Variants in KANSL1L observed in about 807,000 individuals in gnomAD.
KANSL1L encodes the protein KAT8 regulatory NSL complex subunit 1 like, also known as KAT8 regulatory NSL complex subunit 1-like protein.
A neutral mutation model predicts 108.6 loss-of-function variants in KANSL1L; 25 were observed. The ratio of observed to expected loss-of-function variants is 0.23; its 90% CI spans 0.17 to 0.32. KANSL1L has a LOEUF of 0.32. Ranked by LOEUF, KANSL1L falls within the 10% of genes least tolerant of loss-of-function variation. KANSL1L has a pLI of 1.00. For synonymous variants in KANSL1L, 405 were observed against 395.1 expected (o/e 1.03, Z -0.30); for missense variants, 1,137 against 1,125.7 (o/e 1.01, Z -0.14).
At chr2:210,038,134 T>C (rs1341574251) in intron 8 of KANSL1L, among the ~76,000 whole-genome samples, 2 of 152,098 alleles carry the variant, frequency 1.3e-5, no homozygotes, top group East Asian at 3.8e-4. Context: ...CCTATTATGC[T>C]TTTCAAGTTG....
At chr2:210,053,860 TATAG>T (rs1231584854) in intron 6 of KANSL1L, among the ~76,000 whole-genome samples, 7 of 151,962 alleles carry the variant, frequency 4.6e-5, no homozygotes, top group South Asian at 2.1e-4. Flanking sequence ...ATTTTCCTAA[TATAG>T]ATAAAGAGCT....
In KANSL1L at chr2:210,044,585, G is replaced by T. The variant is rs1347823344; in HGVS notation, c.1756-481C>A. 1.3e-5 allele frequency among the ~76,000 whole-genome samples: 2 copies of T among 150,616 alleles called. No homozygotes were observed. Among genetic ancestry groups the T allele is most frequent in the South Asian group, 2.1e-4 (1 of 4,766 alleles). ...CAATAAGAATGATATGGATTGCAGG[G>T]TTTGTTTTTTTTTGGGGGGGGTATG... On this transcript the variant is annotated intron_variant, in intron 6 of 14. Transcript: ENST00000281772. This position sits in a 1 kb window ranked among gnomAD's most constrained non-coding sequence, Gnocchi z 4.2.
chr2:210,084,827 G>A (rs2094622748), intron 5 of KANSL1L, among the ~76,000 whole-genome samples: 1 of 152,082 alleles, frequency 6.6e-6, no homozygotes, highest in Non-Finnish European at 1.5e-5. Context: ...GGCCAGGATG[G>A]TCTCGATCTC....
intron 2 of KANSL1L, among the ~76,000 whole-genome samples, chr2:210,132,202 C>A (rs1197516933): frequency 6.6e-6 from 1 of 152,096 alleles, no homozygotes; most frequent in Admixed American, 6.6e-5. Flanking sequence ...TGTTATACCC[C>A]AAAGTCAAAC....
chr2:210,147,686 A>T (rs540548394), intron 2 of KANSL1L, among the ~76,000 whole-genome samples: 1 of 152,306 alleles, frequency 6.6e-6, no homozygotes, highest in South Asian at 2.1e-4. Flanking sequence ...TGCAGGGAAT[A>T]AAAAAAGATA....
At chr2:210,164,221 T>C (rs1167694774) in intron 1 of KANSL1L, among the ~76,000 whole-genome samples, 1 of 152,210 alleles carries the variant, frequency 6.6e-6, no homozygotes, top group East Asian at 1.9e-4. Flanking sequence ...TGCCAAGTCT[T>C]GTAACCAGGG....
intron 4 of KANSL1L, among the ~76,000 whole-genome samples, chr2:210,099,637 A>G (rs1264147031): frequency 6.6e-6 from 1 of 152,208 alleles, no homozygotes; most frequent in African/African-American, 2.4e-5. Flanking sequence ...AGTATCTCAC[A>G]TCTTCCGGTT....
chr2:210,121,707 AAAAG>A (rs1162971005), intron 3 of KANSL1L, among the ~76,000 whole-genome samples: 1 of 152,200 alleles, frequency 6.6e-6, no homozygotes, highest in African/African-American at 2.4e-5. Context: ...TTAAAAAAGA[AAAAG>A]AAATAAAGGG....
intron 6 of KANSL1L, 97 bp downstream of exon 6, chr2:210,075,455 A>AT: frequency 1.3e-6 from 1 of 756,550 alleles, no homozygotes; most frequent in Non-Finnish European, 2.2e-6. Flanking sequence ...ATTATTCAAA[A>AT]TAAGTGTTAT....
chr2:210,042,074 A>G (rs2094170029), intron 7 of KANSL1L, among the ~76,000 whole-genome samples: 1 of 152,174 alleles, frequency 6.6e-6, no homozygotes. Context: ...TTATGAGGAG[A>G]GTATCACCAA....
intron 2 of KANSL1L, among the ~76,000 whole-genome samples, chr2:210,133,224 T>C (rs1177060306): frequency 6.6e-6 from 1 of 152,138 alleles, no homozygotes; most frequent in Non-Finnish European, 1.5e-5. Context: ...CACTCCATTG[T>C]ATACTTTAAT....
chr2:210,109,040 T>C (rs1338456377), intron 3 of KANSL1L, among the ~76,000 whole-genome samples: 2 of 152,284 alleles, frequency 1.3e-5, no homozygotes, highest in Non-Finnish European at 1.5e-5. Context: ...TCTAGTTCCA[T>C]TGGTTCATCA....
At chr2:210,140,773 C>T (rs539752058) in intron 2 of KANSL1L, among the ~76,000 whole-genome samples, 2 of 152,228 alleles carry the variant, frequency 1.3e-5, no homozygotes, top group South Asian at 2.1e-4. Flanking sequence ...TCTTCCAATC[C>T]GTGAACACAG....
intron 6 of KANSL1L, among the ~76,000 whole-genome samples, chr2:210,048,466 T>C (rs1321000751): frequency 3.9e-5 from 6 of 152,170 alleles, no homozygotes; most frequent in East Asian, 1.9e-4. Context: ...AATTTTCTGA[T>C]GTATTTTCCT....
Position 210,028,831 on chromosome 2 carries a change from G to A in KANSL1L, c.2396+14C>T, listed in dbSNP as rs774986890. The A allele has an allele frequency of 2.0e-6, 3 of 1,526,356 alleles. No individual in the cohort carries two copies. Among genetic ancestry groups the A allele is most frequent in the East Asian group, 2.4e-5 (1 of 42,000 alleles). 94.6% of individuals were successfully genotyped at this position (1,526,356 alleles called of 1,614,324 possible). ...AAGGAAGGAAGAAAAATATGAAGAT[G>A]TAAGTATACATACCTTGGAGTAAGT... On this transcript the variant is annotated intron_variant, in intron 11 of 14. Transcript: ENST00000281772.
intron 6 of KANSL1L, among the ~76,000 whole-genome samples, chr2:210,070,668 G>T (rs2094501151): frequency 6.6e-6 from 1 of 152,252 alleles, no homozygotes. Flanking sequence ...TTTGCTAGGT[G>T]TGTCATAACA....
At chr2:210,030,035 T>G in intron 9 of KANSL1L, 117 bp from the exon 10 acceptor site, 1 of 481,732 alleles carries the variant, frequency 2.1e-6, no homozygotes, top group South Asian at 4.7e-5. Context: ...TGTGTTTAAA[T>G]TCGTGTATTA....
At chr2:210,076,128 T>G (rs1396324215) in intron 5 of KANSL1L, among the ~76,000 whole-genome samples, 1 of 152,134 alleles carries the variant, frequency 6.6e-6, no homozygotes, top group African/African-American at 2.4e-5. Flanking sequence ...AGATTACAGG[T>G]TTTTAAAAGA....
intron 2 of KANSL1L, among the ~76,000 whole-genome samples, chr2:210,144,165 A>C (rs2095249655): frequency 6.6e-6 from 1 of 152,150 alleles, no homozygotes; most frequent in South Asian, 2.1e-4. Flanking sequence ...TTCCTGGCCT[A>C]CTAAGTTTCT....
Sources: allele counts gnomAD v4.1 joint callset (sites outside exome capture counted in the v4.1 genomes callset), GRCh38; gene constraint gnomAD v4.1.1; non-coding constraint Gnocchi (gnomAD v3.1); transcripts MANE v1.5; gene names NCBI Gene and HGNC (gene_info 2026-07-23, HGNC 2026-07-21).